The following FRAS1 variants were observed in gnomAD, a reference collection of about 807,000 sequenced individuals.
FRAS1 encodes Fraser extracellular matrix complex subunit 1.
A neutral mutation model predicts 435.2 loss-of-function variants in FRAS1; 290 were observed. The ratio of observed to expected loss-of-function variants is 0.67; its 90% CI spans 0.61 to 0.73. The LOEUF is 0.73. Ranked by LOEUF, FRAS1 falls within the 30% of genes least tolerant of loss-of-function variation. FRAS1 has a pLI of 0.00. For synonymous variants in FRAS1, 1,800 were observed against 1,851.0 expected, an observed-to-expected ratio of 0.97 and a Z score of 0.71; for missense variants, 4,860 against 5,001.5, an observed-to-expected ratio of 0.97 and a Z score of 0.85.
intron 65 of FRAS1, among the ~76,000 whole-genome samples, chr4:78,514,894 C>G (rs1164234334): frequency 6.6e-6 from 1 of 151,772 alleles, no homozygotes; most frequent in Non-Finnish European, 1.5e-5. Context: ...CAGTGAAACC[C>G]CATCTCTACT....
intron 2 of FRAS1, among the ~76,000 whole-genome samples, chr4:78,123,618 G>A (rs1242211514): frequency 1.3e-5 from 2 of 152,180 alleles, no homozygotes; most frequent in African/African-American, 4.8e-5. Context: ...AGCATGGAAT[G>A]TTTTTCCATT....
rs972942310 is a variant in FRAS1 at position 78,213,892 on chromosome 4, C to A, written c.109-23618C>A. ...AAGTTAGTCACCTACAAGTAGGGTG[C>A]TTTTTCAAGTTAGAAACACTCATGT... On this transcript the variant is annotated intron_variant, in intron 2 of 73. Coordinates refer to ENST00000512123, the MANE Select transcript of FRAS1 (RefSeq NM_025074.7). Among the ~76,000 whole-genome samples the A allele has an allele frequency of 5.3e-4, 80 of 152,172 alleles. 2 individuals are homozygous for A. Among genetic ancestry groups the A allele is most frequent in the Non-Finnish European group, 1.5e-5 (1 of 68,034 alleles).
chr4:78,142,153 T>C (rs1475653015), intron 2 of FRAS1, among the ~76,000 whole-genome samples: 1 of 151,910 alleles, frequency 6.6e-6, no homozygotes, highest in Non-Finnish European at 1.5e-5. Context: ...GGACTACGGC[T>C]TACTTGGGAG....
At chr4:78,076,785 G>A (rs1001284981) in intron 2 of FRAS1, among the ~76,000 whole-genome samples, 57 of 152,230 alleles carry the variant, frequency 3.7e-4, no homozygotes, top group African/African-American at 1.3e-3. Context: ...AAGTGCATAG[G>A]AAAAAGAGGG....
chr4:78,086,062 G>T (rs556794799), intron 2 of FRAS1, among the ~76,000 whole-genome samples: 22 of 152,004 alleles, frequency 1.4e-4, no homozygotes, highest in African/African-American at 4.8e-4. Context: ...GAACAGAAAT[G>T]ATAACAAACT....
rs1302749160 is a variant in FRAS1 at position 78,231,677 on chromosome 4, TC to T, written c.109-5826del. Among the ~76,000 whole-genome samples, 4 of 151,854 alleles carry T rather than the reference TC, an allele frequency of 2.6e-5. No homozygotes were observed. The South Asian group carries it at 6.2e-4, about 24-fold the overall frequency. On this transcript the variant is annotated intron_variant, in intron 2 of 73. Transcript: ENST00000512123. ...CTGCTCTTTAGAATTCTATAAATAA[TC>T]CCCCCCAGAAATTTGAGCACTTATT...
intron 29 of FRAS1, among the ~76,000 whole-genome samples, 151 bp downstream of exon 29, chr4:78,387,852 G>C (rs1732283606): frequency 6.6e-6 from 1 of 152,112 alleles, no homozygotes; most frequent in African/African-American, 2.4e-5. Context: ...TATATATCTA[G>C]TTAGGAGCAC....
chr4:78,466,438 G>A lies in FRAS1; in HGVS notation c.7257+3G>A, dbSNP rs1719532271. The A allele has an allele frequency of 6.2e-7, 1 of 1,607,086 alleles. No homozygotes were observed. Among genetic ancestry groups the A allele is most frequent in the African/African-American group, 1.3e-5 (1 of 74,988 alleles). On this transcript the variant is annotated splice_donor_region_variant and intron_variant, in intron 50 of 73. Coordinates refer to ENST00000512123, the MANE Select transcript of FRAS1 (RefSeq NM_025074.7). ...TCATTGAGGAAGGGGGAAAAGAGGTGAGGGGTGAGGACACTGGAGGAGGTA... is the reference window on the plus strand; with the variant it reads ...TCATTGAGGAAGGGGGAAAAGAGGTAAGGGGTGAGGACACTGGAGGAGGTA...
At chr4:78,463,557 A>G (rs1053551361) in intron 47 of FRAS1, among the ~76,000 whole-genome samples, 1 of 152,220 alleles carries the variant, frequency 6.6e-6, no homozygotes, top group African/African-American at 2.4e-5. Flanking sequence ...CACCAATCAC[A>G]GAAACAAGGC....
At chr4:78,146,040 C>A (rs1035286087) in intron 2 of FRAS1, among the ~76,000 whole-genome samples, 48 of 152,102 alleles carry the variant, frequency 3.2e-4, no homozygotes, top group Admixed American at 5.9e-4. Context: ...TATAAATTAC[C>A]CAGTCTCAGG....
intron 2 of FRAS1, among the ~76,000 whole-genome samples, chr4:78,073,646 C>T (rs1023547445): frequency 1.3e-5 from 2 of 152,116 alleles, no homozygotes; most frequent in African/African-American, 4.8e-5. Context: ...AGAACTGTCA[C>T]TAATTTATGA....
chr4:78,428,292 A>C (rs553934669), intron 35 of FRAS1, among the ~76,000 whole-genome samples: 1 of 151,952 alleles, frequency 6.6e-6, no homozygotes, highest in South Asian at 2.1e-4. Context: ...CATTAGAGAC[A>C]TTGGTATGGG....
At chr4:78,498,665 G>A (rs1165893284) in intron 60 of FRAS1, among the ~76,000 whole-genome samples, 4 of 151,966 alleles carry the variant, frequency 2.6e-5, no homozygotes, top group Admixed American at 2.6e-4. Context: ...AATAAATACA[G>A]AAAGTAGAAA....
chr4:78,207,348 A>C lies in FRAS1; in HGVS notation c.109-30162A>C, dbSNP rs1464485657. Among the ~76,000 whole-genome samples, 7 of 152,366 alleles carry C rather than the reference A, an allele frequency of 4.6e-5. No individual in the cohort carries two copies. In the South Asian group the frequency reaches 8.3e-4, roughly 18 times the overall value. On this transcript the variant is annotated intron_variant, in intron 2 of 73. Transcript: ENST00000512123. Reference sequence around the variant, plus strand: ...TGAGACTAAATTAGAACCTGTGATTACTTTTAAATTGCTGTCTCAGATAAA... The same window carrying C: ...TGAGACTAAATTAGAACCTGTGATTCCTTTTAAATTGCTGTCTCAGATAAA...
intron 14 of FRAS1, among the ~76,000 whole-genome samples, chr4:78,303,268 G>T (rs950851278): frequency 5.9e-5 from 9 of 152,140 alleles, no homozygotes; most frequent in African/African-American, 1.7e-4. Context: ...TAGCCTTGTA[G>T]TATAGTTTGA....
Position 78,275,482 on chromosome 4 carries a change from C to T in FRAS1, c.982-3173C>T, listed in dbSNP as rs573367204. Among the ~76,000 whole-genome samples, 22 of 152,256 alleles carry T rather than the reference C, an allele frequency of 1.4e-4. 1 individual carries two copies. The highest frequency in any genetic ancestry group is 3.9e-4 in the East Asian group (2 of 5,186). On this transcript the variant is annotated intron_variant, in intron 9 of 73. Transcript: ENST00000512123. ...TGTTCCTTTCCATGTTTAGTGCTTC[C>T]TTCAGGAGCTCTTTTAGGGCAGGCC... is the stretch of plus-strand genomic sequence containing the variant.
Position 78,482,392 on chromosome 4 carries a change from G to T in FRAS1, c.8609G>T (p.Cys2870Phe). The change falls in exon 58 of 74, where the codon TGC (cysteine) becomes TTC (phenylalanine). Residue 2870 changes from cysteine to phenylalanine, a missense_variant. Physicochemically the swap from Cys to Phe is radical, Grantham distance 205 (BLOSUM62 -2). Transcript: ENST00000512123. ...EFGPGVIEQY[C>F]TLTILDDTQY... ...TTGCTTTGGTTTCTCTTCTAGTATT[G>T]CACCTTGACTATCTTGGATGACACT... 1.2e-6 allele frequency: 2 copies of T among 1,613,734 alleles called. No homozygotes were observed. The highest frequency in any genetic ancestry group is 1.1e-5 in the South Asian group (1 of 91,076).
At chr4:78,181,079 T>C (rs1046747648) in intron 2 of FRAS1, 6 of 1,566,012 alleles carry the variant, frequency 3.8e-6, no homozygotes, top group Middle Eastern at 1.7e-4. Flanking sequence ...GGTCCATAAC[T>C]GAATCCTCAG....
intron 34 of FRAS1, 22 bp from the exon 35 acceptor site, chr4:78,424,366 A>T: frequency 7.1e-7 from 1 of 1,403,318 alleles, no homozygotes. Context: ...TAATATACTG[A>T]TTGTCTCTCT....
Sources: gnomAD v4.1 joint callset for allele counts (sites outside exome capture counted in the v4.1 genomes callset) on GRCh38, gnomAD v4.1.1 for gene constraint, MANE v1.5 for transcripts, NCBI Gene and HGNC (gene_info 2026-07-23, HGNC 2026-07-21) for gene names.